Variants in NFYB observed in about 807,000 individuals in gnomAD.
NFYB encodes the protein CAAT box DNA-binding protein subunit B.
In NFYB, 13 loss-of-function variants were observed where a neutral mutation model predicts 28.0. The ratio of observed to expected loss-of-function variants is 0.46; its 90% CI spans 0.30 to 0.74. The LOEUF (loss-of-function observed/expected upper bound fraction) is 0.74, where lower values mean the gene tolerates loss of function less well. Ranked by LOEUF, NFYB falls within the 30% of genes least tolerant of loss-of-function variation. The pLI is 0.07. For synonymous variants in NFYB, 74 were observed against 75.0 expected (o/e 0.99, Z 0.07); for missense variants, 142 against 247.6 (o/e 0.57, Z 2.86).
intron 4 of NFYB, 65 bp downstream of exon 4, chr12:104,126,049 C>A: frequency 6.8e-7 from 1 of 1,469,306 alleles, no homozygotes; most frequent in Non-Finnish European, 9.1e-7. Context: ...TACCCATGAC[C>A]TATGAATTCA....
At chr12:104,126,346 C>T (rs1004670701) in intron 3 of NFYB, 102 bp from the exon 4 acceptor site, 1 of 852,096 alleles carries the variant, frequency 1.2e-6, no homozygotes, top group East Asian at 3.2e-5. Flanking sequence ...TCTGGTTCAC[C>T]TCTTAACCAT....
chr12:104,123,738 T>C (rs1182534317), intron 4 of NFYB, among the ~76,000 whole-genome samples: 1 of 152,158 alleles, frequency 6.6e-6, no homozygotes, highest in African/African-American at 2.4e-5. Flanking sequence ...GGCGGGCGGA[T>C]GACCTGAGGT....
At chr12:104,127,963 G>C (rs2030783858) in intron 3 of NFYB, among the ~76,000 whole-genome samples, 1 of 152,078 alleles carries the variant, frequency 6.6e-6, no homozygotes, top group Admixed American at 6.6e-5. Context: ...GGGATTATAG[G>C]TGTGAGCACC....
intron 5 of NFYB, 60 bp downstream of exon 5, chr12:104,123,166 A>G: frequency 7.7e-7 from 1 of 1,302,880 alleles, no homozygotes; most frequent in South Asian, 1.4e-5. Flanking sequence ...ACAGAGCGAT[A>G]CTCCACCTCA....
intron 1 of NFYB, among the ~76,000 whole-genome samples, chr12:104,137,103 AAG>A (rs1411316482): frequency 2.7e-5 from 4 of 149,126 alleles, no homozygotes; most frequent in African/African-American, 1.0e-4. Flanking sequence ...TTTCCATACT[AAG>A]AGAGATGAAA....
intron 2 of NFYB, chr12:104,131,624 A>T (rs1311929164): frequency 2.5e-6 from 1 of 393,602 alleles, no homozygotes; most frequent in African/African-American, 2.1e-5. Context: ...AATGATGGAA[A>T]AAAACTTGCT....
rs993769245 is a variant in NFYB at position 104,117,193 on chromosome 12, C to T, written c.*2544G>A. 6.6e-6 allele frequency: 1 copy of T among 152,128 alleles called. No individual in the cohort carries two copies. Among genetic ancestry groups the T allele is most frequent in the African/African-American group, 2.4e-5 (1 of 41,418 alleles). 9.4% of individuals were successfully genotyped at this position (152,128 alleles called of 1,614,324 possible). A position where few individuals can be genotyped will look rare whatever the true frequency, so the allele number is the denominator to read the frequency against. On this transcript the variant is annotated 3_prime_UTR_variant, in exon 8 of 8. Coordinates refer to ENST00000240055, the MANE Select transcript of NFYB (RefSeq NM_006166.4). ...TAAATGCAACATGGGCCAAGGAAGA[C>T]AGAGACCCCAGCTCTGACAAGCATA...
rs2030559624 is a variant in NFYB at position 104,123,438 on chromosome 12, A to T, written c.232-15T>A. The T allele has an allele frequency of 6.2e-7, 1 of 1,611,106 alleles. No homozygotes were observed. The highest frequency in any genetic ancestry group is 8.5e-7 in the Non-Finnish European group (1 of 1,177,988). ...TCTTTTGCAATCTGAAGAGAAAATC[A>T]TAGGTAAATTACAGAAACTATAACC... On this transcript the variant is annotated splice_polypyrimidine_tract_variant and intron_variant, in intron 4 of 7. Transcript: ENST00000240055.
intron 4 of NFYB, 71 bp downstream of exon 4, chr12:104,126,043 C>T (rs2030699192): frequency 1.4e-6 from 2 of 1,438,966 alleles, no homozygotes; most frequent in Non-Finnish European, 9.2e-7. Context: ...TAACTGTACC[C>T]ATGACCTATG....
In NFYB at chr12:104,123,230, C is replaced by A; in HGVS notation, c.425G>T (p.Arg142Ile). 1 of 1,606,030 alleles carries A rather than the reference C, an allele frequency of 6.2e-7. No individual in the cohort carries two copies. The highest frequency in any genetic ancestry group is 8.5e-7 in the Non-Finnish European group (1 of 1,176,134). ...AATGGGAGATATTTTATTTACCTCTCTGAATTTCTGAAGGTATAATTTCAG... is the reference window on the plus strand; with the variant it reads ...AATGGGAGATATTTTATTTACCTCTATGAATTTCTGAAGGTATAATTTCAG... ...EPLKLYLQKF[R>I]EAMKGEKGIG... Residue 142 changes from arginine (R) to isoleucine (I), a missense_variant, in exon 5 of 8, where the codon AGA (arginine) becomes ATA (isoleucine). Physicochemically the swap from Arg to Ile is moderately conservative, Grantham distance 97. Around this residue, in one of 2 missense-constraint regions of NFYB, gnomAD observed 88 missense variants for 189.5 expected, o/e 0.46. Coordinates refer to ENST00000240055, the MANE Select transcript of NFYB (RefSeq NM_006166.4).
Position 104,135,418 on chromosome 12 carries a change from T to C in NFYB, c.6+30A>G, listed in dbSNP as rs781579908. Reference sequence around the variant, plus strand: ...CCAGCCAATTACTATTCAAATCTAATTAACAACCAAAATGGTAAAATATAC... The same window carrying C: ...CCAGCCAATTACTATTCAAATCTAACTAACAACCAAAATGGTAAAATATAC... On this transcript the variant is annotated intron_variant, in intron 2 of 7. Transcript: ENST00000240055. 1.9e-6 allele frequency: 3 copies of C among 1,575,008 alleles called. No individual in the cohort carries two copies. The South Asian group carries it at 3.6e-5, about 19-fold the overall frequency.
At position 104,128,486 on chromosome 12, in the gene NFYB, GA is replaced by G; in HGVS notation, c.37del (p.Ser13LeufsTer3). The G allele has an allele frequency of 6.2e-7, 1 of 1,612,934 alleles. No homozygotes were observed. The highest frequency in any genetic ancestry group is 1.1e-5 in the South Asian group (1 of 91,018). On this transcript the variant is annotated frameshift_variant, in exon 3 of 8. Transcript: ENST00000240055. LOFTEE classifies it high-confidence loss of function. The stretch of plus-strand genomic sequence containing the variant: ...ATAGTCTGCAGAGATTCCTAGTTGA[GA>G]AGCATCTGTTGTAGAACTGTCACCA... ...MDGDSSTTDA[S>X]QLGISADYIG...
At chr12:104,130,696 G>A (rs963589470) in intron 2 of NFYB, among the ~76,000 whole-genome samples, 1 of 152,100 alleles carries the variant, frequency 6.6e-6, no homozygotes, top group Non-Finnish European at 1.5e-5. Flanking sequence ...GTGAAACAGT[G>A]CCCAAAAATC....
intron 3 of NFYB, 105 bp from the exon 4 acceptor site, chr12:104,126,349 T>C (rs771146394): frequency 3.6e-5 from 30 of 831,346 alleles, no homozygotes; most frequent in Non-Finnish European, 4.9e-5. Context: ...GGTTCACCTC[T>C]TAACCATTAT....
At chr12:104,123,510 C>G in intron 4 of NFYB, 87 bp from the exon 5 acceptor site, 1 of 968,138 alleles carries the variant, frequency 1.0e-6, no homozygotes, top group Non-Finnish European at 1.6e-6. Context: ...TTCAGAAGAA[C>G]ACATCTTCAC....
At chr12:104,120,673 G>A (rs1487260068) in intron 6 of NFYB, among the ~76,000 whole-genome samples, 194 bp from the exon 7 acceptor site, 2 of 151,954 alleles carry the variant, frequency 1.3e-5, no homozygotes, top group Non-Finnish European at 2.9e-5. Context: ...TTTATATTGC[G>A]TTTTTCAATT....
At chr12:104,129,249 G>T (rs2030837581) in intron 2 of NFYB, among the ~76,000 whole-genome samples, 1 of 152,058 alleles carries the variant, frequency 6.6e-6, no homozygotes, top group Non-Finnish European at 1.5e-5. Context: ...CAGGAGGACT[G>T]CTTGAGCTCA....
At chr12:104,131,924 T>C in intron 2 of NFYB, 1 of 364,432 alleles carries the variant, frequency 2.7e-6, no homozygotes, top group Non-Finnish European at 5.4e-6. Flanking sequence ...CTAGTTTGAA[T>C]TCCCTGCCAC....
intron 3 of NFYB, among the ~76,000 whole-genome samples, chr12:104,127,409 T>TA (rs1350625836): frequency 6.7e-5 from 10 of 150,130 alleles, no homozygotes; most frequent in Middle Eastern, 3.4e-3. Flanking sequence ...CTGTCTCTAC[T>TA]AAAAAAAAAT....
Sources: gnomAD v4.1 joint callset for allele counts (sites outside exome capture counted in the v4.1 genomes callset) on GRCh38, gnomAD v4.1.1 for gene constraint, gnomAD v4.1.1 regional missense constraint, MANE v1.5 for transcripts, NCBI Gene and HGNC (gene_info 2026-07-23, HGNC 2026-07-21) for gene names.